Variants in PPIL6 observed in about 807,000 individuals in gnomAD.
PPIL6 encodes the protein probable inactive peptidyl-prolyl cis-trans isomerase-like 6.
PPIL6 carries 39 observed loss-of-function variants against 36.8 expected under a neutral mutation model. The observed-to-expected ratio is 1.06, with a 90% CI of 0.82 to 1.38. The LOEUF is 1.38. Among genes scored for constraint, PPIL6 ranks in the 40% most tolerant of loss-of-function variants. The probability of loss-of-function intolerance (pLI) is 0.00; values close to 1 mark genes in which losing one functional copy is unlikely to be tolerated. For missense variants in PPIL6, 368 were observed against 379.1 expected (o/e 0.97, Z 0.24); for synonymous variants, 123 against 134.1 (o/e 0.92, Z 0.57).
intron 2 of PPIL6, among the ~76,000 whole-genome samples, chr6:109,431,708 C>T (rs1279523378): frequency 1.3e-5 from 2 of 152,176 alleles, no homozygotes; most frequent in East Asian, 1.9e-4. Flanking sequence ...TAATTACCTC[C>T]ACTTACTATG....
At chr6:109,393,807 TG>T (rs1178845603) in intron 7 of PPIL6, among the ~76,000 whole-genome samples, 4 of 152,230 alleles carry the variant, frequency 2.6e-5, no homozygotes, top group Non-Finnish European at 4.4e-5. Flanking sequence ...GGTCACCTCC[TG>T]GTCTTCCTTC....
chr6:109,424,330 G>A (rs1471400816), intron 5 of PPIL6, among the ~76,000 whole-genome samples: 1 of 152,174 alleles, frequency 6.6e-6, no homozygotes, highest in Non-Finnish European at 1.5e-5. Flanking sequence ...TGCTTAGGAG[G>A]CAGCCAGAGG....
intron 6 of PPIL6, among the ~76,000 whole-genome samples, chr6:109,403,286 T>A (rs530953537): frequency 1.1e-4 from 16 of 152,320 alleles, no homozygotes; most frequent in Middle Eastern, 3.4e-3. Context: ...TAATTTTTTT[T>A]AAAAAAATTA....
intron 6 of PPIL6, among the ~76,000 whole-genome samples, chr6:109,416,909 T>A (rs918517883): frequency 3.3e-5 from 5 of 152,102 alleles, no homozygotes; most frequent in African/African-American, 1.2e-4. Context: ...GGCTCACACT[T>A]GTAATCCCAA....
At chr6:109,395,512 C>T (rs559211036) in intron 7 of PPIL6, among the ~76,000 whole-genome samples, 5 of 151,984 alleles carry the variant, frequency 3.3e-5, no homozygotes, top group South Asian at 2.1e-4. Flanking sequence ...CATACTGGGC[C>T]GTGCAGAATA....
chr6:109,431,650 G>T lies in PPIL6; in HGVS notation c.232-305C>A, dbSNP rs563408068. ...CCTTTAAATTATCATGCCCAGAAAG[G>T]CATTTAAAATGTAATAGCAGTTATG... On this transcript the variant is annotated intron_variant, in intron 2 of 7. Coordinates refer to ENST00000521072, the MANE Select transcript of PPIL6 (RefSeq NM_173672.5). Among the ~76,000 whole-genome samples the T allele has an allele frequency of 2.6e-5, 4 of 152,186 alleles. No homozygotes were observed. The East Asian group carries it at 7.7e-4, about 29-fold the overall frequency.
chr6:109,440,296 C>A, intron 1 of PPIL6, 160 bp downstream of exon 1: 1 of 908,372 alleles, frequency 1.1e-6, no homozygotes, highest in Non-Finnish European at 1.7e-6. Context: ...TCCTCCCGGT[C>A]CTCCAGACGG....
intron 6 of PPIL6, among the ~76,000 whole-genome samples, chr6:109,400,946 G>A (rs1434732142): frequency 1.3e-5 from 2 of 151,590 alleles, no homozygotes; most frequent in South Asian, 2.1e-4. Context: ...TGCAAGCTCC[G>A]CCTCCCGGGT....
chr6:109,403,323 T>C (rs1772642199), intron 6 of PPIL6, among the ~76,000 whole-genome samples: 1 of 152,182 alleles, frequency 6.6e-6, no homozygotes, highest in Non-Finnish European at 1.5e-5. Context: ...TCCCTGATTT[T>C]TTTTCTAATA....
At position 109,431,171 on chromosome 6, in the gene PPIL6, A is replaced by G. The variant is rs199765616; in HGVS notation, c.406T>C (p.Leu136=). The change falls in exon 3 of 8, where the codon TTA becomes CTA. Residue 136 remains leucine, a synonymous_variant. Transcript: ENST00000521072. The part of the protein sequence containing the change: ...ALTEDFSAKF[L]RDTKHDFVFL... ...GTATAACTTGCCTTGGTGTCTCTTAAGAACTTAGCGGAAAAATCCTCAGTG... is the reference window on the plus strand; with the variant it reads ...GTATAACTTGCCTTGGTGTCTCTTAGGAACTTAGCGGAAAAATCCTCAGTG... 1.8e-4 allele frequency: 297 copies of G among 1,608,868 alleles called. No homozygotes were observed. Among genetic ancestry groups the G allele is most frequent in the Middle Eastern group, 1.6e-4 (1 of 6,066 alleles).
At chr6:109,430,028 C>G (rs959254594) in intron 3 of PPIL6, among the ~76,000 whole-genome samples, 1 of 152,222 alleles carries the variant, frequency 6.6e-6, no homozygotes, top group African/African-American at 2.4e-5. Context: ...ACTGTTTGAA[C>G]ATTAAATGCC....
At chr6:109,439,245 C>T (rs1288115693) in intron 1 of PPIL6, among the ~76,000 whole-genome samples, 1 of 152,204 alleles carries the variant, frequency 6.6e-6, no homozygotes, top group Non-Finnish European at 1.5e-5. Context: ...TGGCCATTAA[C>T]TTTGGTAATA....
intron 6 of PPIL6, among the ~76,000 whole-genome samples, chr6:109,403,466 T>G (rs1488539097): frequency 2.0e-5 from 3 of 152,058 alleles, no homozygotes; most frequent in Non-Finnish European, 4.4e-5. Flanking sequence ...TTAAACAGAG[T>G]GAAAGCCCCC....
chr6:109,410,048 C>A (rs536469953), intron 6 of PPIL6, among the ~76,000 whole-genome samples: 1 of 152,056 alleles, frequency 6.6e-6, no homozygotes, highest in Admixed American at 6.6e-5. Flanking sequence ...CTTCTCTGAC[C>A]AGCAGACCCA....
Position 109,392,685 on chromosome 6 carries a change from G to C in PPIL6, c.*141C>G, listed in dbSNP as rs1360716714. ...CAGAGACAGGAAAGGAAGATGGGGA[G>C]GGATTGGGTGTAGATGAGGCAACCT... On this transcript the variant is annotated 3_prime_UTR_variant, in exon 8 of 8. Transcript: ENST00000521072. The C allele has an allele frequency of 1.7e-6, 1 of 581,936 alleles. No homozygotes were observed. Among genetic ancestry groups the C allele is most frequent in the African/African-American group, 1.9e-5 (1 of 52,310 alleles). 36.0% of individuals were successfully genotyped at this position (581,936 alleles called of 1,614,324 possible). A position where few individuals can be genotyped will look rare whatever the true frequency, so the allele number is the denominator to read the frequency against.
At chr6:109,439,946 T>C (rs1471145786) in intron 1 of PPIL6, among the ~76,000 whole-genome samples, 1 of 152,198 alleles carries the variant, frequency 6.6e-6, no homozygotes. Context: ...TCCAAAGCAC[T>C]TGTGAAGCAT....
At chr6:109,426,063 A>G (rs1773801022) in intron 5 of PPIL6, among the ~76,000 whole-genome samples, 1 of 152,228 alleles carries the variant, frequency 6.6e-6, no homozygotes, top group East Asian at 1.9e-4. Context: ...TTAGATAACA[A>G]TATTTGTGGT....
intron 3 of PPIL6, among the ~76,000 whole-genome samples, chr6:109,427,498 C>T (rs188260047): frequency 1.8e-4 from 27 of 152,186 alleles, no homozygotes; most frequent in African/African-American, 4.8e-4. Context: ...ATCCTCCCAC[C>T]GCAGCCTCTG....
rs780748727 is a variant in PPIL6 at position 109,436,059 on chromosome 6, A to G, written c.231+45T>C. 3 of 1,017,824 alleles carry G rather than the reference A, an allele frequency of 2.9e-6. No individual in the cohort carries two copies. In the Admixed American group the frequency reaches 5.5e-5, roughly 19 times the overall value. 63.0% of individuals were successfully genotyped at this position (1,017,824 alleles called of 1,614,324 possible). A position where few individuals can be genotyped will look rare whatever the true frequency, so the allele number is the denominator to read the frequency against. Reference sequence around the variant, plus strand: ...ACAATGCATAAATAATTCAGGCAAAACTTGGCTTGTTGTCTATATCCCCCA... The same window carrying G: ...ACAATGCATAAATAATTCAGGCAAAGCTTGGCTTGTTGTCTATATCCCCCA... On this transcript the variant is annotated intron_variant, in intron 2 of 7. Transcript: ENST00000521072.
Sources: gnomAD v4.1 joint callset for allele counts (sites outside exome capture counted in the v4.1 genomes callset) on GRCh38, gnomAD v4.1.1 for gene constraint, MANE v1.5 for transcripts, NCBI Gene and HGNC (gene_info 2026-07-23, HGNC 2026-07-21) for gene names.